KBTBD11: variants seen among roughly 807,000 people sequenced by gnomAD.
KBTBD11 encodes kelch repeat and BTB domain containing 11.
For missense variants in KBTBD11, 1,390 were observed against 1,001.8 expected, an observed-to-expected ratio of 1.39 and a Z score of -5.23; for synonymous variants, 747 against 499.0, an observed-to-expected ratio of 1.50 and a Z score of -6.63.
intron 1 of KBTBD11, among the ~76,000 whole-genome samples, chr8:1,977,134 G>A (rs956645897): frequency 6.7e-6 from 1 of 149,964 alleles, no homozygotes; most frequent in Non-Finnish European, 1.5e-5. Context: ...TCTATTTTAT[G>A]TGTGACCCAA....
Position 1,978,973 on chromosome 8 carries a change from G to A in KBTBD11, c.-909+5038G>A, listed in dbSNP as rs561793927. Among the ~76,000 whole-genome samples the A allele has an allele frequency of 3.9e-5, 6 of 152,328 alleles. No individual in the cohort carries two copies. The South Asian group carries it at 1.2e-3, about 32-fold the overall frequency. ...GAGAGACCCACCCCCAGCCCACAGT[G>A]CACAGCCCTGGGCAGGCACAGGAGA... On this transcript the variant is annotated intron_variant, in intron 1 of 1. Coordinates refer to ENST00000320248, the MANE Select transcript of KBTBD11 (RefSeq NM_014867.3).
intron 1 of KBTBD11, among the ~76,000 whole-genome samples, chr8:1,975,579 G>C (rs13274427): frequency 0.12 from 18,852 of 152,272 alleles, 1,371 homozygotes; most frequent in African/African-American, 0.19. Flanking sequence ...TAGGTGCCCT[G>C]TGTGATGTTT....
At chr8:1,984,913 G>C (rs1463167696) in intron 1 of KBTBD11, among the ~76,000 whole-genome samples, 1 of 152,206 alleles carries the variant, frequency 6.6e-6, no homozygotes, top group African/African-American at 2.4e-5. Context: ...GTCTCTGTTT[G>C]CAAAGCCCAA....
intron 1 of KBTBD11, among the ~76,000 whole-genome samples, chr8:1,989,678 C>T (rs150061987): frequency 1.4e-3 from 211 of 152,324 alleles, no homozygotes; most frequent in Non-Finnish European, 9.1e-4. Context: ...GACGCATCGC[C>T]TCCCCGAAGA....
intron 1 of KBTBD11, among the ~76,000 whole-genome samples, chr8:1,994,424 C>T (rs1459937353): frequency 1.3e-5 from 2 of 152,250 alleles, no homozygotes; most frequent in African/African-American, 2.4e-5. Context: ...CTGTGACAGG[C>T]GTCAGCTCAG....
At chr8:1,990,411 C>T (rs1180222150) in intron 1 of KBTBD11, among the ~76,000 whole-genome samples, 222 of 70,700 alleles carry the variant, frequency 3.1e-3, no homozygotes, top group Non-Finnish European at 4.8e-3. Context: ...TAGGTGCTGC[C>T]GGGCCTTGGC....
In KBTBD11 at chr8:1,974,033, C is replaced by T. The variant is rs1251446835; in HGVS notation, c.-909+98C>T. ...GAGGGGGCGGCGGGTGGGAGGTGGT[C>T]GGCGAGAGCGGCAGTAGGCGGGAGG... is the stretch of plus-strand genomic sequence containing the variant. On this transcript the variant is annotated intron_variant, in intron 1 of 1. Transcript: ENST00000320248. 4 of 916,112 alleles carry T rather than the reference C, an allele frequency of 4.4e-6. No homozygotes were observed. The African/African-American group carries it at 5.6e-5, about 13-fold the overall frequency. The allele number at this position is 916,112 out of a possible 1,614,324, so 56.7% of individuals were successfully genotyped here. A position where few individuals can be genotyped will look rare whatever the true frequency, so the allele number is the denominator to read the frequency against.
chr8:2,001,217 G>T lies in KBTBD11; in HGVS notation c.25G>T (p.Val9Phe). 1 of 1,416,552 alleles carries T rather than the reference G, an allele frequency of 7.1e-7. No individual in the cohort carries two copies. The highest frequency in any genetic ancestry group is 2.7e-5 in the Admixed American group (1 of 37,428). The allele number at this position is 1,416,552 out of a possible 1,614,324, so 87.7% of individuals were successfully genotyped here. Residue 9 changes from valine to phenylalanine, a missense_variant, in exon 2 of 2, where the codon GTC becomes TTC. Transcript: ENST00000320248. The part of the protein sequence containing the change: MEHAVAPC[V>F]LYPGTEPGAA... ...CATGGAGCACGCGGTGGCCCCCTGCGTCCTCTACCCAGGGACTGAGCCCGG... is the reference window on the plus strand; with the variant it reads ...CATGGAGCACGCGGTGGCCCCCTGCTTCCTCTACCCAGGGACTGAGCCCGG...
Position 2,003,140 on chromosome 8 carries a change from C to T in KBTBD11, c.*76C>T, listed in dbSNP as rs966336352. The T allele has an allele frequency of 1.0e-4, 128 of 1,247,418 alleles. No individual in the cohort carries two copies. Among genetic ancestry groups the T allele is most frequent in the Non-Finnish European group, 1.2e-4 (122 of 988,684 alleles). The allele number at this position is 1,247,418 out of a possible 1,614,324, so 77.3% of individuals were successfully genotyped here. ...GTCCCTTTGGGCCCGCGGAGGAGGA[C>T]GTGGTGGGGAGTCGGGGCCGCTGGC... On this transcript the variant is annotated 3_prime_UTR_variant, in exon 2 of 2. Transcript: ENST00000320248.
chr8:1,987,560 G>A (rs114802367), intron 1 of KBTBD11, among the ~76,000 whole-genome samples: 2,018 of 151,978 alleles, frequency 0.013, 45 homozygotes, highest in African/African-American at 0.046. Flanking sequence ...CCTGCGCTCC[G>A]GCCACCCTCG....
At chr8:1,979,478 A>T (rs924376437) in intron 1 of KBTBD11, among the ~76,000 whole-genome samples, 2 of 152,092 alleles carry the variant, frequency 1.3e-5, no homozygotes, top group African/African-American at 2.4e-5. Flanking sequence ...AAAAACACAA[A>T]AATTAGCCAG....
intron 1 of KBTBD11, among the ~76,000 whole-genome samples, chr8:1,991,946 G>A (rs183824912): frequency 2.6e-5 from 4 of 152,202 alleles, no homozygotes; most frequent in Admixed American, 6.5e-5. Context: ...TTATTTCATC[G>A]CGGTAGACAC....
chr8:1,977,315 G>A (rs1034711712), intron 1 of KBTBD11, among the ~76,000 whole-genome samples: 2 of 152,128 alleles, frequency 1.3e-5, no homozygotes, highest in African/African-American at 2.4e-5. Context: ...GAAAAACCAC[G>A]GTGCCGATGT....
intron 1 of KBTBD11, chr8:1,975,157 G>T (rs1370998684): frequency 1.3e-5 from 2 of 152,244 alleles, no homozygotes; most frequent in Non-Finnish European, 2.9e-5. Context: ...CAACAACCTC[G>T]TGTGTGCAGA....
chr8:2,001,100 G>A lies in KBTBD11; in HGVS notation c.-93G>A, dbSNP rs1405005912. 6.3e-6 allele frequency: 8 copies of A among 1,260,816 alleles called. No homozygotes were observed. The highest frequency in any genetic ancestry group is 8.0e-6 in the Non-Finnish European group (8 of 1,003,038). 78.1% of individuals were successfully genotyped at this position (1,260,816 alleles called of 1,614,324 possible). A position where few individuals can be genotyped will look rare whatever the true frequency, so the allele number is the denominator to read the frequency against. On this transcript the variant is annotated 5_prime_UTR_variant, in exon 2 of 2. Transcript: ENST00000320248. ...CTGATCGCGTGCCAGGAAAAGCTGT[G>A]AGGCTGGAAACCCCGGAGTAAGGCT...
intron 1 of KBTBD11, among the ~76,000 whole-genome samples, chr8:1,977,683 C>G (rs1816395949): frequency 9.4e-6 from 1 of 106,358 alleles, no homozygotes; most frequent in Non-Finnish European, 1.9e-5. Context: ...TCCAGCACAC[C>G]CAACTTATTT....
In KBTBD11 at chr8:2,004,615, C is replaced by T. The variant is rs556046263; in HGVS notation, c.*1551C>T. 1 of 167,138 alleles carries T rather than the reference C, an allele frequency of 6.0e-6. No individual in the cohort carries two copies. The highest frequency in any genetic ancestry group is 1.5e-5 in the Non-Finnish European group (1 of 68,112). 10.4% of individuals were successfully genotyped at this position (167,138 alleles called of 1,614,324 possible). A position where few individuals can be genotyped will look rare whatever the true frequency, so the allele number is the denominator to read the frequency against. ...TGTGTTTAGAAGTGATCAGCTTGAA[C>T]CTTATGCATGACTCGGGGGCTGGAA... On this transcript the variant is annotated 3_prime_UTR_variant, in exon 2 of 2. Coordinates refer to ENST00000320248, the MANE Select transcript of KBTBD11 (RefSeq NM_014867.3).
Position 1,997,899 on chromosome 8 carries a change from C to T in KBTBD11, c.-908-2386C>T, listed in dbSNP as rs370408489. ...CGACAGAATACGATAGGGCCACCAC[C>T]TCTGCTGGAAGGGGCTCCTCAGAAG... is the stretch of plus-strand genomic sequence containing the variant. On this transcript the variant is annotated intron_variant, in intron 1 of 1. Transcript: ENST00000320248. Among the ~76,000 whole-genome samples, 49 of 152,340 alleles carry T rather than the reference C, an allele frequency of 3.2e-4. No homozygotes were observed. The South Asian group carries it at 0.01, about 32-fold the overall frequency.
chr8:1,977,889 A>G (rs1194651777), intron 1 of KBTBD11, among the ~76,000 whole-genome samples: 1 of 152,168 alleles, frequency 6.6e-6, no homozygotes, highest in Non-Finnish European at 1.5e-5. Context: ...ATAGCTTCCC[A>G]TTCCTGCAAG....
Sources: allele counts gnomAD v4.1 joint callset (sites outside exome capture counted in the v4.1 genomes callset), GRCh38; gene constraint gnomAD v4.1.1; transcripts MANE v1.5; gene names NCBI Gene and HGNC (gene_info 2026-07-23, HGNC 2026-07-21).